MYO3B: variants seen among roughly 807,000 people sequenced by gnomAD.
MYO3B encodes myosin-IIIb.
MYO3B carries 156 observed loss-of-function variants against 174.6 expected under a neutral mutation model. That is an observed-to-expected ratio of 0.89 (90% confidence interval 0.78 to 1.02). MYO3B has a LOEUF of 1.02. Ranked by LOEUF, MYO3B falls within the 50% of genes least tolerant of loss-of-function variation. The pLI is 0.00. For synonymous variants in MYO3B, 563 were observed against 569.1 expected, an observed-to-expected ratio of 0.99 and a Z score of 0.15; for missense variants, 1,632 against 1,639.4, an observed-to-expected ratio of 1.00 and a Z score of 0.08.
intron 8 of MYO3B, among the ~76,000 whole-genome samples, chr2:170,359,287 C>T (rs1213227147): frequency 2.6e-5 from 4 of 152,190 alleles, no homozygotes; most frequent in Non-Finnish European, 5.9e-5. Context: ...GACCTCTTCT[C>T]TTTTCTTTCA....
At chr2:170,388,816 A>G (rs1206611450) in intron 14 of MYO3B, among the ~76,000 whole-genome samples, 2 of 152,210 alleles carry the variant, frequency 1.3e-5, no homozygotes, top group Admixed American at 1.3e-4. Flanking sequence ...TGAAAACCCA[A>G]GCATCTTCCT....
chr2:170,473,736 C>T (rs1685130860), intron 25 of MYO3B, among the ~76,000 whole-genome samples: 1 of 152,188 alleles, frequency 6.6e-6, no homozygotes. Flanking sequence ...AAATTTGCCT[C>T]CCTTCTCTAT....
intron 7 of MYO3B, among the ~76,000 whole-genome samples, chr2:170,297,050 A>G (rs1018994248): frequency 2.0e-5 from 3 of 152,182 alleles, no homozygotes; most frequent in Admixed American, 6.6e-5. Context: ...GGGTGGGTAC[A>G]CAGATCCGAA....
intron 32 of MYO3B, among the ~76,000 whole-genome samples, chr2:170,584,993 T>G (rs760548239): frequency 6.6e-6 from 1 of 152,240 alleles, no homozygotes; most frequent in Non-Finnish European, 1.5e-5. Flanking sequence ...ATTCCTCTCA[T>G]GCAGCAGTTC....
intron 32 of MYO3B, among the ~76,000 whole-genome samples, chr2:170,571,336 T>C (rs1023689953): frequency 4.6e-5 from 7 of 152,092 alleles, no homozygotes; most frequent in African/African-American, 1.7e-4. Context: ...GACCTAGAAG[T>C]CAGGGAAGGC....
chr2:170,192,570 CTTTTA>C (rs914779613), intron 1 of MYO3B, among the ~76,000 whole-genome samples: 1 of 150,524 alleles, frequency 6.6e-6, no homozygotes, highest in Admixed American at 6.6e-5. Context: ...TCAATTTCTG[CTTTTA>C]TTTTTTCTTC....
At chr2:170,187,319 G>C (rs2092478179) in intron 1 of MYO3B, among the ~76,000 whole-genome samples, 1 of 151,772 alleles carries the variant, frequency 6.6e-6, no homozygotes, top group African/African-American at 2.4e-5. Context: ...TGTAACCTCT[G>C]CCTCCTGGGT....
chr2:170,606,687 T>C (rs1694826149), intron 32 of MYO3B, among the ~76,000 whole-genome samples: 1 of 152,198 alleles, frequency 6.6e-6, no homozygotes, highest in South Asian at 2.1e-4. Context: ...CGTAAATATT[T>C]GCAACATTTT....
At position 170,651,688 on chromosome 2, in the gene MYO3B, A is replaced by G. The variant is rs771351546; in HGVS notation, c.3794A>G (p.Lys1265Arg). The G allele has an allele frequency of 1.2e-6, 2 of 1,613,874 alleles. No homozygotes were observed. The highest frequency in any genetic ancestry group is 1.3e-5 in the African/African-American group (1 of 74,972). The stretch of plus-strand genomic sequence containing the variant: ...CCTCGCCGACGATGTCAGCAGCCCA[A>G]AATGCTGAGTAGCCCTGAGGACACC... The part of the protein sequence containing the change: ...RTPRRRCQQP[K>R]MLSSPEDTMY... Residue 1265 changes from lysine (K) to arginine (R), a missense_variant, in exon 33 of 35, where the codon AAA becomes AGA. Physicochemically the swap from Lys to Arg is conservative, Grantham distance 26. Transcript: ENST00000408978.
At chr2:170,608,193 A>G (rs1694929834) in intron 32 of MYO3B, among the ~76,000 whole-genome samples, 1 of 152,196 alleles carries the variant, frequency 6.6e-6, no homozygotes, top group African/African-American at 2.4e-5. Context: ...AGGTGACAGC[A>G]TGAGACTCCG....
At chr2:170,410,603 A>C (rs1040554665) in intron 22 of MYO3B, among the ~76,000 whole-genome samples, 1 of 151,730 alleles carries the variant, frequency 6.6e-6, no homozygotes, top group African/African-American at 2.4e-5. Flanking sequence ...AAAAAAAAAA[A>C]AAAAAAAACT....
At chr2:170,450,589 A>G (rs749348032) in intron 23 of MYO3B, among the ~76,000 whole-genome samples, 4 of 152,056 alleles carry the variant, frequency 2.6e-5, no homozygotes, top group Non-Finnish European at 5.9e-5. Flanking sequence ...TAGTTTACTC[A>G]AAAGGCAAAC....
intron 22 of MYO3B, among the ~76,000 whole-genome samples, chr2:170,417,274 T>A (rs1483769005): frequency 1.3e-5 from 2 of 152,124 alleles, no homozygotes; most frequent in Non-Finnish European, 2.9e-5. Context: ...CCAACATACA[T>A]CTATCTCTAT....
intron 22 of MYO3B, chr2:170,408,632 G>A (rs4668256): frequency 0.88 from 134,427 of 152,160 alleles, 60,209 homozygotes; most frequent in East Asian, 0.97. Context: ...TTAAGAAAAA[G>A]AGGAAGAGAA....
chr2:170,582,186 A>T (rs1276170461), intron 32 of MYO3B, among the ~76,000 whole-genome samples: 1 of 152,250 alleles, frequency 6.6e-6, no homozygotes, highest in African/African-American at 2.4e-5. Flanking sequence ...CATGATGGCT[A>T]CAGACGCACT....
chr2:170,407,773 T>C lies in MYO3B; in HGVS notation c.2579T>C (p.Val860Ala), dbSNP rs1344210055. 6.2e-6 allele frequency: 10 copies of C among 1,614,192 alleles called. No homozygotes were observed. The highest frequency in any genetic ancestry group is 1.6e-4 in the Middle Eastern group (1 of 6,062). Residue 860 changes from valine to alanine, a missense_variant, in exon 22 of 35, where the codon GTG becomes GCG. Transcript: ENST00000408978. ...EKNRDTLPAD[V>A]VVVLRTSENK... Reference sequence around the variant, plus strand: ...AATAGAGACACTCTCCCTGCCGATGTGGTTGTGGTCCTGAGAACGTCAGAA... The same window carrying C: ...AATAGAGACACTCTCCCTGCCGATGCGGTTGTGGTCCTGAGAACGTCAGAA...
chr2:170,438,228 G>A (rs1227121184), intron 22 of MYO3B, among the ~76,000 whole-genome samples: 3 of 151,966 alleles, frequency 2.0e-5, no homozygotes, highest in African/African-American at 7.3e-5. Flanking sequence ...CGTCCTCCAG[G>A]TTCATCCATG....
chr2:170,394,315 G>T (rs2094432070), intron 16 of MYO3B, among the ~76,000 whole-genome samples: 1 of 152,050 alleles, frequency 6.6e-6, no homozygotes, highest in South Asian at 2.1e-4. Context: ...AGTATATAAT[G>T]GTGCCATTCT....
intron 7 of MYO3B, among the ~76,000 whole-genome samples, chr2:170,259,737 A>G (rs920912002): frequency 6.6e-6 from 1 of 152,238 alleles, no homozygotes; most frequent in African/African-American, 2.4e-5. Flanking sequence ...AGTGGGACAC[A>G]TTAAGCTTTT....
Sources: gnomAD v4.1 joint callset for allele counts (sites outside exome capture counted in the v4.1 genomes callset) on GRCh38, gnomAD v4.1.1 for gene constraint, MANE v1.5 for transcripts, NCBI Gene and HGNC (gene_info 2026-07-23, HGNC 2026-07-21) for gene names.